Variants in CUL1 observed in about 807,000 individuals in gnomAD.
CUL1 encodes cullin 1.
CUL1 carries 24 observed loss-of-function variants against 118.0 expected under a neutral mutation model. The ratio of observed to expected loss-of-function variants is 0.20; its 90% CI spans 0.15 to 0.29. CUL1 has a LOEUF of 0.29. Ranked by LOEUF, CUL1 falls within the 10% of genes least tolerant of loss-of-function variation. The pLI is 1.00. For synonymous variants in CUL1, 332 were observed against 340.4 expected (o/e 0.98, Z 0.27); for missense variants, 361 against 933.8 (o/e 0.39, Z 7.99).
chr7:148,716,651 A>T (rs1052868914), intron 1 of CUL1, among the ~76,000 whole-genome samples: 1 of 152,172 alleles, frequency 6.6e-6, no homozygotes, highest in Non-Finnish European at 1.5e-5. Context: ...ATGTATCTAC[A>T]CTTACGTGTT....
At chr7:148,755,330 C>A (rs243481) in intron 3 of CUL1, among the ~76,000 whole-genome samples, 83,672 of 152,018 alleles carry the variant, frequency 0.55, 23,228 homozygotes, top group African/African-American at 0.6. Flanking sequence ...TATACTGTGA[C>A]CCCAGGGAAA....
intron 2 of CUL1, among the ~76,000 whole-genome samples, chr7:148,736,602 C>T (rs1236712685): frequency 6.6e-6 from 1 of 152,168 alleles, no homozygotes; most frequent in African/African-American, 2.4e-5. Context: ...ACAAGCCTGG[C>T]CTTTCTAGAG....
At chr7:148,746,740 GT>G (rs1258608687) in intron 2 of CUL1, among the ~76,000 whole-genome samples, 2 of 152,188 alleles carry the variant, frequency 1.3e-5, no homozygotes, top group African/African-American at 4.8e-5. Flanking sequence ...TCTTTAGTAA[GT>G]AAAAGTAAAA....
chr7:148,784,040 T>C lies in CUL1; in HGVS notation c.1261T>C (p.Leu421=), dbSNP rs763483100. 7.4e-6 allele frequency: 12 copies of C among 1,614,158 alleles called. No individual in the cohort carries two copies. In the South Asian group the frequency reaches 1.2e-4, roughly 16 times the overall value. The part of the protein sequence containing the change: ...MAQSSSKSPE[L]LARYCDSLLK... ...CCAATCATCCAGTAAATCCCCTGAGTTGCTGGCTCGATACTGTGACTCCTT... is the reference window on the plus strand; with the variant it reads ...CCAATCATCCAGTAAATCCCCTGAGCTGCTGGCTCGATACTGTGACTCCTT... The change falls in exon 11 of 22, where the codon TTG becomes CTG. Residue 421 remains leucine, a synonymous_variant. Coordinates refer to ENST00000325222, the MANE Select transcript of CUL1 (RefSeq NM_003592.3).
intron 1 of CUL1, among the ~76,000 whole-genome samples, chr7:148,699,333 G>T (rs1585516208): frequency 6.6e-6 from 1 of 151,966 alleles, no homozygotes; most frequent in Admixed American, 6.6e-5. Context: ...GCGCCTGGAG[G>T]CGGCGGCCTG....
chr7:148,708,054 A>G (rs1797942750), intron 1 of CUL1, among the ~76,000 whole-genome samples: 1 of 152,168 alleles, frequency 6.6e-6, no homozygotes, highest in Non-Finnish European at 1.5e-5. Context: ...TCTGTGCAGA[A>G]TACTTGCTGT....
At chr7:148,759,977 A>T (rs971809672) in intron 6 of CUL1, among the ~76,000 whole-genome samples, 1 of 152,196 alleles carries the variant, frequency 6.6e-6, no homozygotes, top group Non-Finnish European at 1.5e-5. Flanking sequence ...TGAGAAACTG[A>T]TAAAGTAATA....
At chr7:148,698,203 C>T (rs1364349570), upstream of CUL1, 1 of 152,234 alleles carries the variant, frequency 6.6e-6, no homozygotes, top group Non-Finnish European at 1.5e-5. Flanking sequence ...TTCGGAGGGC[C>T]ACCTCTGACT....
intron 9 of CUL1, among the ~76,000 whole-genome samples, chr7:148,769,221 G>A (rs1426590221): frequency 6.6e-6 from 1 of 151,978 alleles, no homozygotes; most frequent in Non-Finnish European, 1.5e-5. Context: ...GGATATTTGT[G>A]AATAAACAAT....
intron 1 of CUL1, among the ~76,000 whole-genome samples, chr7:148,720,522 G>A (rs1798364856): frequency 2.6e-5 from 4 of 152,146 alleles, no homozygotes; most frequent in Admixed American, 2.6e-4. Flanking sequence ...GAAAGTCTTG[G>A]TAGAGGGAAT....
intron 1 of CUL1, among the ~76,000 whole-genome samples, chr7:148,707,975 C>G (rs1169115612): frequency 6.6e-6 from 1 of 152,138 alleles, no homozygotes; most frequent in Admixed American, 6.5e-5. Flanking sequence ...GGGGCCACAT[C>G]GCTCATTTCC....
chr7:148,780,096 A>C (rs1249181800), intron 9 of CUL1, among the ~76,000 whole-genome samples: 3 of 130,044 alleles, frequency 2.3e-5, no homozygotes, highest in Non-Finnish European at 4.8e-5. Context: ...GTGTAAGTTA[A>C]TACTTAATAA....
chr7:148,800,448 ATT>A lies in CUL1; in HGVS notation c.2251-52_2251-51del. On this transcript the variant is annotated intron_variant, in intron 21 of 21. Transcript: ENST00000325222. The surrounding 1 kb of genome is among the most constrained non-coding windows in gnomAD (Gnocchi z 4.6). ...GCAGCCTCTCTCTGTTCTGATGATA[ATT>A]TGTGTTTTTCTTCTCTTTCACTACC... 2 of 1,427,670 alleles carry A rather than the reference ATT, an allele frequency of 1.4e-6. No homozygotes were observed. The highest frequency in any genetic ancestry group is 2.0e-6 in the Non-Finnish European group (2 of 1,012,204). The allele number at this position is 1,427,670 out of a possible 1,614,324, so 88.4% of individuals were successfully genotyped here.
intron 11 of CUL1, among the ~76,000 whole-genome samples, 184 bp from the exon 12 acceptor site, chr7:148,786,367 A>T (rs1268576765): frequency 2.0e-5 from 3 of 152,188 alleles, no homozygotes; most frequent in African/African-American, 7.2e-5. Flanking sequence ...TCTGTTCTTC[A>T]GTGTTGAGGT....
At chr7:148,773,273 TATA>T (rs1415091934) in intron 9 of CUL1, among the ~76,000 whole-genome samples, 1 of 152,034 alleles carries the variant, frequency 6.6e-6, no homozygotes, top group East Asian at 1.9e-4. Context: ...GTGAAACTAT[TATA>T]ATATCATTCC....
At chr7:148,760,567 C>T (rs1799795889) in intron 7 of CUL1, 71 bp downstream of exon 7, 4 of 1,078,730 alleles carry the variant, frequency 3.7e-6, no homozygotes, top group African/African-American at 1.6e-5. Flanking sequence ...TTCTTTTTAG[C>T]ATATACAGCT....
rs1195254558 is a variant in CUL1 at position 148,745,926 on chromosome 7, A to G, written c.141-8050A>G. Among the ~76,000 whole-genome samples, 6 of 152,192 alleles carry G rather than the reference A, an allele frequency of 3.9e-5. No homozygotes were observed. In the East Asian group the frequency reaches 5.8e-4, roughly 15 times the overall value. ...ATAAGCAGGAAGTCTCCTAACCACT[A>G]TCATCTAATGCTTTCCATTCCTGAC... is the stretch of plus-strand genomic sequence containing the variant. On this transcript the variant is annotated intron_variant, in intron 2 of 21. Transcript: ENST00000325222.
At chr7:148,780,407 T>C (rs2129462201) in intron 9 of CUL1, among the ~76,000 whole-genome samples, 1 of 152,348 alleles carries the variant, frequency 6.6e-6, no homozygotes, top group South Asian at 2.1e-4. Context: ...CAATAAAACG[T>C]TGAAAAGAAA....
At chr7:148,725,204 C>T (rs1243814843) in intron 1 of CUL1, among the ~76,000 whole-genome samples, 1 of 137,244 alleles carries the variant, frequency 7.3e-6, no homozygotes, top group Non-Finnish European at 1.5e-5. Flanking sequence ...CGTGTACACA[C>T]ACACACACGC....
Sources: gnomAD v4.1 joint callset for allele counts (sites outside exome capture counted in the v4.1 genomes callset) on GRCh38, gnomAD v4.1.1 for gene constraint, Gnocchi (gnomAD v3.1) non-coding constraint, MANE v1.5 for transcripts, NCBI Gene and HGNC (gene_info 2026-07-23, HGNC 2026-07-21) for gene names.